STK32A: variants seen among roughly 807,000 people sequenced by gnomAD.
STK32A encodes serine/threonine kinase 32A.
In STK32A, 41 loss-of-function variants were observed where a neutral mutation model predicts 53.2. The observed-to-expected ratio is 0.77, with a 90% confidence interval of 0.60 to 1.00. The LOEUF (loss-of-function observed/expected upper bound fraction) is 1.00, where lower values mean the gene tolerates loss of function less well. Among genes scored for constraint, STK32A ranks in the 50% least tolerant of loss-of-function variants. STK32A has a pLI of 0.00. For synonymous variants in STK32A, 166 were observed against 162.8 expected, an observed-to-expected ratio of 1.02 and a Z score of -0.15; for missense variants, 458 against 485.8, an observed-to-expected ratio of 0.94 and a Z score of 0.54.
chr5:147,254,839 C>G (rs62380972), intron 2 of STK32A, among the ~76,000 whole-genome samples: 35 of 152,026 alleles, frequency 2.3e-4, no homozygotes, highest in Non-Finnish European at 4.4e-4. Flanking sequence ...GAGGAAGTTA[C>G]GTTTAAAAGT....
chr5:147,253,031 C>T (rs11167971), intron 2 of STK32A, among the ~76,000 whole-genome samples: 119,263 of 152,122 alleles, frequency 0.78, 47,158 homozygotes, highest in African/African-American at 0.87. Context: ...AGGTAGTTTA[C>T]GTCAATTCCT....
At chr5:147,296,756 A>G (rs1752886050) in intron 4 of STK32A, among the ~76,000 whole-genome samples, 1 of 152,132 alleles carries the variant, frequency 6.6e-6, no homozygotes. Flanking sequence ...CCACCTGACC[A>G]TCACCTAATG....
chr5:147,355,700 T>C (rs1756195736), intron 7 of STK32A, among the ~76,000 whole-genome samples: 1 of 150,762 alleles, frequency 6.6e-6, no homozygotes, highest in African/African-American at 2.4e-5. Context: ...ATGAATAAAA[T>C]AAAAAATAAA....
chr5:147,393,796 T>C, the STK32A span: 1 of 532,714 alleles, frequency 1.9e-6, no homozygotes, highest in Non-Finnish European at 3.4e-6. Flanking sequence ...TCTGATTGCA[T>C]GCATGTAAAT....
chr5:147,390,457 G>A (rs1351946342), downstream of STK32A, among the ~76,000 whole-genome samples: 5 of 138,418 alleles, frequency 3.6e-5, no homozygotes, highest in Admixed American at 1.4e-4. Flanking sequence ...CAATCAAATA[G>A]CAAGGCTTTA....
intron 2 of STK32A, among the ~76,000 whole-genome samples, chr5:147,257,422 A>T (rs1199759079): frequency 6.6e-6 from 1 of 152,160 alleles, no homozygotes; most frequent in African/African-American, 2.4e-5. Flanking sequence ...AGGGTATAAC[A>T]AGGCAAGCAT....
the STK32A span, chr5:147,394,234 C>A: frequency 9.4e-7 from 1 of 1,065,212 alleles, no homozygotes; most frequent in South Asian, 1.4e-5. Flanking sequence ...TATGAAGTGC[C>A]TTGCTGGCCT....
At chr5:147,292,250 G>A (rs1422705033) in intron 4 of STK32A, among the ~76,000 whole-genome samples, 3 of 152,194 alleles carry the variant, frequency 2.0e-5, no homozygotes, top group African/African-American at 7.2e-5. Flanking sequence ...GGTCATATCT[G>A]AAAGTATGTC....
At chr5:147,314,095 T>C (rs1163574233) in intron 4 of STK32A, among the ~76,000 whole-genome samples, 3 of 152,014 alleles carry the variant, frequency 2.0e-5, no homozygotes, top group Non-Finnish European at 2.9e-5. Context: ...ATTGAAAACT[T>C]TTATGCTTTT....
chr5:147,396,865 G>GTATA, the STK32A span, among the ~76,000 whole-genome samples: 75 of 144,636 alleles, frequency 5.2e-4, no homozygotes, highest in Middle Eastern at 3.6e-3. Context: ...GTATATGTGT[G>GTATA]TATATATATA....
At chr5:147,397,898 G>T in the STK32A span, 1,003 of 830,916 alleles carry the variant, frequency 1.2e-3, 15 homozygotes, top group South Asian at 0.018. Flanking sequence ...AAAGAGGAAC[G>T]TACCTTCTCT....
intron 6 of STK32A, chr5:147,343,319 C>T (rs1755531164): frequency 4.8e-6 from 3 of 620,634 alleles, no homozygotes; most frequent in Admixed American, 4.2e-5. Flanking sequence ...AAAACCATCA[C>T]AACTTTTCAG....
chr5:147,257,563 G>T (rs908252707), intron 2 of STK32A, among the ~76,000 whole-genome samples: 1 of 152,166 alleles, frequency 6.6e-6, no homozygotes, highest in Non-Finnish European at 1.5e-5. Context: ...CTTTAGTTTG[G>T]CAGGGCTTTC....
At chr5:147,380,489 T>C (rs979542175) in intron 11 of STK32A, among the ~76,000 whole-genome samples, 19 of 147,844 alleles carry the variant, frequency 1.3e-4, no homozygotes, top group African/African-American at 5.1e-4. Flanking sequence ...AAATAATAAA[T>C]GACTGAATGA....
chr5:147,338,030 C>T (rs753012610), intron 5 of STK32A, among the ~76,000 whole-genome samples: 15 of 152,126 alleles, frequency 9.9e-5, no homozygotes, highest in Non-Finnish European at 2.2e-4. Context: ...CATGTAGACA[C>T]TGAAGTCACC....
At chr5:147,378,716 T>C (rs1757328894) in intron 11 of STK32A, among the ~76,000 whole-genome samples, 1 of 151,920 alleles carries the variant, frequency 6.6e-6, no homozygotes, top group African/African-American at 2.4e-5. Context: ...GCTCTCTGAG[T>C]TCTCTATTCT....
intron 2 of STK32A, among the ~76,000 whole-genome samples, chr5:147,256,563 G>A (rs1177040022): frequency 6.6e-6 from 1 of 152,166 alleles, no homozygotes; most frequent in African/African-American, 2.4e-5. Context: ...CCAGGCTGGA[G>A]TGCAATGGCG....
intron 2 of STK32A, among the ~76,000 whole-genome samples, chr5:147,274,212 G>A (rs1472321352): frequency 6.6e-6 from 1 of 152,220 alleles, no homozygotes. Flanking sequence ...CCTGTGCGAA[G>A]CAGGACTGAG....
At chr5:147,309,191 T>G (rs558399916) in intron 4 of STK32A, among the ~76,000 whole-genome samples, 1 of 152,006 alleles carries the variant, frequency 6.6e-6, no homozygotes, top group African/African-American at 2.4e-5. Flanking sequence ...GTGGGGACCC[T>G]TCCTTCATGT....
Sources: allele counts gnomAD v4.1 joint callset (sites outside exome capture counted in the v4.1 genomes callset), GRCh38; gene constraint gnomAD v4.1.1; transcripts MANE v1.5; gene names NCBI Gene and HGNC (gene_info 2026-07-23, HGNC 2026-07-21).